The following OLA1 variants were observed in gnomAD, a reference collection of about 807,000 sequenced individuals.
OLA1 encodes the protein Obg like ATPase 1, also known as obg-like ATPase 1.
Under a neutral mutation model 48.4 loss-of-function variants are expected in OLA1, and 14 were observed. The observed-to-expected ratio is 0.29, with a 90% CI of 0.19 to 0.45. OLA1 has a LOEUF of 0.45. Ranked by LOEUF, OLA1 falls within the 20% of genes least tolerant of loss-of-function variation. The pLI is 1.00. For missense variants in OLA1, 325 were observed against 467.1 expected (o/e 0.70, Z 2.80); for synonymous variants, 127 against 150.4 (o/e 0.84, Z 1.14).
intron 4 of OLA1, among the ~76,000 whole-genome samples, chr2:174,151,320 A>C (rs143729692): frequency 1.4e-4 from 22 of 152,336 alleles, no homozygotes; most frequent in African/African-American, 4.3e-4. Context: ...CAACCAGATA[A>C]CCACTCTTCT....
At chr2:174,214,454 A>G (rs903769355) in intron 4 of OLA1, among the ~76,000 whole-genome samples, 1 of 152,212 alleles carries the variant, frequency 6.6e-6, no homozygotes, top group African/African-American at 2.4e-5. Flanking sequence ...CTAGGGTTAT[A>G]TCTTAACCTA....
chr2:174,128,143 A>G (rs1363471768), intron 5 of OLA1, among the ~76,000 whole-genome samples: 1 of 152,000 alleles, frequency 6.6e-6, no homozygotes, highest in African/African-American at 2.4e-5. Flanking sequence ...TTGTAATCCC[A>G]GCATTTTGGG....
chr2:174,157,999 G>A (rs1221462560), intron 4 of OLA1, among the ~76,000 whole-genome samples: 2 of 152,154 alleles, frequency 1.3e-5, no homozygotes, highest in Non-Finnish European at 2.9e-5. Flanking sequence ...ACATCCTTTG[G>A]GAGCAGACTG....
At chr2:174,151,134 G>A (rs760259376) in intron 4 of OLA1, among the ~76,000 whole-genome samples, 6 of 152,054 alleles carry the variant, frequency 3.9e-5, no homozygotes, top group Non-Finnish European at 4.4e-5. Context: ...CCAATCATGA[G>A]TCTTACATGA....
chr2:174,106,263 C>T (rs534044218), intron 7 of OLA1, among the ~76,000 whole-genome samples: 9 of 152,138 alleles, frequency 5.9e-5, no homozygotes, highest in African/African-American at 2.2e-4. Flanking sequence ...AATTCATTAA[C>T]TAAAAACAAA....
At chr2:174,244,647 G>A (rs1218123646) in intron 2 of OLA1, among the ~76,000 whole-genome samples, 4 of 150,258 alleles carry the variant, frequency 2.7e-5, no homozygotes, top group Admixed American at 1.3e-4. Flanking sequence ...TTTTTGAGAC[G>A]GAGTCTCGCT....
At chr2:174,100,255 A>G (rs1180944387) in intron 7 of OLA1, among the ~76,000 whole-genome samples, 2 of 152,220 alleles carry the variant, frequency 1.3e-5, no homozygotes, top group African/African-American at 4.8e-5. Context: ...TATGTGTCAG[A>G]TACTGTGCTA....
intron 4 of OLA1, among the ~76,000 whole-genome samples, chr2:174,176,961 C>G (rs1408765994): frequency 6.6e-6 from 1 of 152,098 alleles, no homozygotes; most frequent in Non-Finnish European, 1.5e-5. Context: ...CCATCTTATG[C>G]ACATTGCTGT....
intron 5 of OLA1, among the ~76,000 whole-genome samples, chr2:174,135,165 A>AAC (rs1169334056): frequency 6.6e-6 from 1 of 151,250 alleles, no homozygotes; most frequent in Non-Finnish European, 1.5e-5. Context: ...GCCTCCAAAA[A>AAC]AAAAAAAAAA....
chr2:174,203,975 A>C (rs530142568), intron 4 of OLA1, among the ~76,000 whole-genome samples: 1 of 151,694 alleles, frequency 6.6e-6, no homozygotes, highest in Non-Finnish European at 1.5e-5. Context: ...TTGTATTTTT[A>C]GTAGAGACGA....
At chr2:174,123,527 A>T (rs1289326247) in intron 6 of OLA1, 68 bp downstream of exon 6, 10 of 912,474 alleles carry the variant, frequency 1.1e-5, no homozygotes, top group Non-Finnish European at 1.3e-5. Flanking sequence ...AAATAACAAC[A>T]ACTCTAATTT....
At chr2:174,171,239 T>C (rs1687294371) in intron 4 of OLA1, among the ~76,000 whole-genome samples, 1 of 152,054 alleles carries the variant, frequency 6.6e-6, no homozygotes, top group African/African-American at 2.4e-5. Context: ...AAAAAATCAG[T>C]AAAAATGCAG....
At chr2:174,191,217 CATAA>C (rs1203224703) in intron 4 of OLA1, among the ~76,000 whole-genome samples, 20 of 151,952 alleles carry the variant, frequency 1.3e-4, no homozygotes, top group African/African-American at 2.4e-4. Context: ...TGTTGTACAA[CATAA>C]ATATACAATT....
intron 7 of OLA1, among the ~76,000 whole-genome samples, chr2:174,086,564 C>T (rs1356585425): frequency 2.6e-5 from 4 of 152,136 alleles, no homozygotes; most frequent in Non-Finnish European, 4.4e-5. Flanking sequence ...ATCCAAATTG[C>T]CAGCATCATA....
intron 2 of OLA1, among the ~76,000 whole-genome samples, chr2:174,242,157 C>T (rs1559022593): frequency 1.3e-5 from 2 of 152,176 alleles, no homozygotes; most frequent in Non-Finnish European, 2.9e-5. Flanking sequence ...GACCAGCAGC[C>T]GCCAACCTTT....
chr2:174,166,391 T>A (rs193176491), intron 4 of OLA1, among the ~76,000 whole-genome samples: 2 of 152,212 alleles, frequency 1.3e-5, no homozygotes, highest in East Asian at 3.9e-4. Context: ...AGCAAGCAGA[T>A]ACAAGAAGAC....
At chr2:174,231,832 A>C (rs951713236) in intron 2 of OLA1, among the ~76,000 whole-genome samples, 1 of 152,248 alleles carries the variant, frequency 6.6e-6, no homozygotes, top group Non-Finnish European at 1.5e-5. Context: ...TATAGGCTTC[A>C]GTGGCAACTA....
intron 4 of OLA1, among the ~76,000 whole-genome samples, chr2:174,171,217 T>C (rs1687293669): frequency 6.6e-6 from 1 of 152,128 alleles, no homozygotes; most frequent in Non-Finnish European, 1.5e-5. Context: ...ACTAAATTAA[T>C]GGAACTAGAC....
chr2:174,082,152 A>G, intron 7 of OLA1, 88 bp from the exon 8 acceptor site: 1 of 1,421,478 alleles, frequency 7.0e-7, no homozygotes, highest in South Asian at 1.2e-5. Context: ...ATACATATTC[A>G]TAAGAATTGC....
Sources: gnomAD v4.1 joint callset for allele counts (sites outside exome capture counted in the v4.1 genomes callset) on GRCh38, gnomAD v4.1.1 for gene constraint, MANE v1.5 for transcripts, NCBI Gene and HGNC (gene_info 2026-07-23, HGNC 2026-07-21) for gene names.